Variants in PUM2 observed in about 807,000 individuals in gnomAD.
PUM2 encodes pumilio RNA binding family member 2, also known as pumilio homolog 2.
In PUM2, 57 loss-of-function variants were observed where a neutral mutation model predicts 124.5. The ratio of observed to expected loss-of-function variants is 0.46; its 90% CI spans 0.37 to 0.57. PUM2 has a LOEUF of 0.57. Ranked by LOEUF, PUM2 falls within the 20% of genes least tolerant of loss-of-function variation. PUM2 has a pLI of 0.00. For synonymous variants in PUM2, 460 were observed against 446.1 expected, an observed-to-expected ratio of 1.03 and a Z score of -0.39; for missense variants, 1,065 against 1,290.6, an observed-to-expected ratio of 0.83 and a Z score of 2.68.
chr2:20,313,315 G>C (rs576395563), intron 3 of PUM2, among the ~76,000 whole-genome samples: 9 of 152,292 alleles, frequency 5.9e-5, no homozygotes, highest in African/African-American at 2.2e-4. Flanking sequence ...AGACTAACTG[G>C]CTGGAGCACA....
intron 1 of PUM2, among the ~76,000 whole-genome samples, chr2:20,348,822 G>C (rs894878625): frequency 6.6e-6 from 1 of 152,196 alleles, no homozygotes; most frequent in African/African-American, 2.4e-5. Context: ...ACAGTTACTC[G>C]GAAGGCTCAG....
At chr2:20,275,938 C>CTT (rs1455082615) in intron 13 of PUM2, among the ~76,000 whole-genome samples, 1 of 151,982 alleles carries the variant, frequency 6.6e-6, no homozygotes, top group Non-Finnish European at 1.5e-5. Context: ...TTGTTAAAGA[C>CTT]ATTTAAGTCA....
chr2:20,321,191 G>A (rs1041428698), intron 2 of PUM2, among the ~76,000 whole-genome samples: 2 of 152,154 alleles, frequency 1.3e-5, no homozygotes, highest in African/African-American at 4.8e-5. Flanking sequence ...AGGAGGCTGG[G>A]CAAGAAAATT....
In PUM2 at chr2:20,311,504, T is replaced by C; in HGVS notation, c.508A>G (p.Lys170Glu). Residue 170 changes from lysine (K) to glutamate (E), a missense_variant, in exon 5 of 21, where the codon AAA becomes GAA. Lys to Glu is a moderately conservative substitution (Grantham distance 56). Transcript: ENST00000361078. ...GLPNGMDADC[K>E]DFNRTPGSRQ... ...AAGTTAAAATCTTACTTAAAATCTTTGCAATCGGCATCCATTCCATTTGGC... is the reference window on the plus strand; with the variant it reads ...AAGTTAAAATCTTACTTAAAATCTTCGCAATCGGCATCCATTCCATTTGGC... 6.2e-7 allele frequency: 1 copy of C among 1,607,022 alleles called. No individual in the cohort carries two copies. The highest frequency in any genetic ancestry group is 8.5e-7 in the Non-Finnish European group (1 of 1,177,690).
chr2:20,345,728 C>T (rs554913144), intron 1 of PUM2, among the ~76,000 whole-genome samples: 10 of 152,056 alleles, frequency 6.6e-5, no homozygotes, highest in South Asian at 4.2e-4. Context: ...AAAAATTAGC[C>T]GGGCATGGTG....
chr2:20,341,152 C>T (rs1687149834), intron 1 of PUM2, among the ~76,000 whole-genome samples: 1 of 152,162 alleles, frequency 6.6e-6, no homozygotes, highest in South Asian at 2.1e-4. Flanking sequence ...GGCCACAGCT[C>T]TTACCTGCGC....
At chr2:20,304,767 TAAAGA>T (rs1399864256) in intron 7 of PUM2, among the ~76,000 whole-genome samples, 2 of 152,196 alleles carry the variant, frequency 1.3e-5, no homozygotes, top group South Asian at 2.1e-4. Context: ...AAAAACAATA[TAAAGA>T]AAAGAATGCA....
At chr2:20,271,684 AAG>A (rs1167003823) in intron 13 of PUM2, among the ~76,000 whole-genome samples, 4 of 152,336 alleles carry the variant, frequency 2.6e-5, no homozygotes, top group Admixed American at 2.0e-4. Flanking sequence ...ATTTGGATTA[AAG>A]ATCAATTGTT....
At chr2:20,344,997 A>AG (rs2149123737) in intron 1 of PUM2, among the ~76,000 whole-genome samples, 1 of 150,552 alleles carries the variant, frequency 6.6e-6, no homozygotes, top group African/African-American at 2.4e-5. Context: ...AAAAAAAAAA[A>AG]AAAAAAAGAA....
chr2:20,274,519 C>T (rs2148765986), intron 13 of PUM2, among the ~76,000 whole-genome samples: 1 of 152,144 alleles, frequency 6.6e-6, no homozygotes, highest in East Asian at 1.9e-4. Flanking sequence ...AACTGGAAGA[C>T]AGGTTAGGAA....
intron 1 of PUM2, among the ~76,000 whole-genome samples, chr2:20,343,846 T>C (rs1470495718): frequency 1.3e-5 from 2 of 152,074 alleles, no homozygotes; most frequent in African/African-American, 4.8e-5. Flanking sequence ...AGAGAACTGC[T>C]TGAGACTGGG....
At chr2:20,322,799 C>T (rs1351831701) in intron 2 of PUM2, among the ~76,000 whole-genome samples, 1 of 151,848 alleles carries the variant, frequency 6.6e-6, no homozygotes, top group Non-Finnish European at 1.5e-5. Context: ...CAAGATCCTG[C>T]CTCCAAAACA....
chr2:20,289,150 A>AT (rs1239198663), intron 10 of PUM2, among the ~76,000 whole-genome samples: 1 of 151,944 alleles, frequency 6.6e-6, no homozygotes, highest in Non-Finnish European at 1.5e-5. Flanking sequence ...GAAAAAAAAA[A>AT]GTTGGGTGTG....
intron 10 of PUM2, among the ~76,000 whole-genome samples, chr2:20,285,383 C>T (rs1289694529): frequency 6.6e-6 from 1 of 152,178 alleles, no homozygotes; most frequent in Non-Finnish European, 1.5e-5. Flanking sequence ...TGCTCCAAAC[C>T]TTCCAAAGGG....
rs534343279 is a variant in PUM2 at position 20,249,653 on chromosome 2, G to A, written c.*1932C>T. On this transcript the variant is annotated 3_prime_UTR_variant, in exon 21 of 21. Transcript: ENST00000361078. ...TTCCATATTGTGCTCAGAAGATTGC[G>A]TTTCTTCTGCAGATCTCTAGTAAAA... 9.2e-5 allele frequency: 14 copies of A among 152,664 alleles called. No homozygotes were observed. Among genetic ancestry groups the A allele is most frequent in the South Asian group, 2.1e-4 (1 of 4,822 alleles). 9.5% of individuals were successfully genotyped at this position (152,664 alleles called of 1,614,324 possible). A position where few individuals can be genotyped will look rare whatever the true frequency, so the allele number is the denominator to read the frequency against.
At chr2:20,306,930 T>C (rs1424387431) in intron 7 of PUM2, among the ~76,000 whole-genome samples, 2 of 151,022 alleles carry the variant, frequency 1.3e-5, no homozygotes, top group Admixed American at 6.6e-5. Flanking sequence ...AAACAAAAAA[T>C]AGGCCAGACG....
chr2:20,256,461 T>A (rs1215385059), intron 16 of PUM2, among the ~76,000 whole-genome samples: 6 of 152,350 alleles, frequency 3.9e-5, no homozygotes, highest in Non-Finnish European at 7.3e-5. Flanking sequence ...AACGTAGTGA[T>A]GCTGAACTTG....
intron 1 of PUM2, among the ~76,000 whole-genome samples, chr2:20,334,437 A>G (rs1185877296): frequency 6.6e-6 from 1 of 152,148 alleles, no homozygotes; most frequent in East Asian, 1.9e-4. Flanking sequence ...GTATTAAAGC[A>G]CTCTACTGCC....
intron 10 of PUM2, among the ~76,000 whole-genome samples, chr2:20,288,646 G>T (rs1031141929): frequency 6.6e-6 from 1 of 152,166 alleles, no homozygotes; most frequent in Non-Finnish European, 1.5e-5. Flanking sequence ...ACAGTAACTA[G>T]GGATCTGATA....
Sources: gnomAD v4.1 joint callset for allele counts (sites outside exome capture counted in the v4.1 genomes callset) on GRCh38, gnomAD v4.1.1 for gene constraint, MANE v1.5 for transcripts, NCBI Gene and HGNC (gene_info 2026-07-23, HGNC 2026-07-21) for gene names.